Variants in GHR observed in about 807,000 individuals in gnomAD.
GHR encodes growth hormone receptor.
A neutral mutation model predicts 67.1 loss-of-function variants in GHR; 35 were observed. The observed-to-expected ratio is 0.52, with a 90% CI of 0.40 to 0.69. The LOEUF (loss-of-function observed/expected upper bound fraction) is 0.69. Among genes scored for constraint, GHR ranks in the 30% least tolerant of loss-of-function variants. The pLI is 0.00. For missense variants in GHR, 792 were observed against 764.6 expected (o/e 1.04, Z -0.42); for synonymous variants, 272 against 269.1 (o/e 1.01, Z -0.10).
intron 6 of GHR, 92 bp downstream of exon 6, chr5:42,700,094 C>G (rs1036871062): frequency 7.8e-6 from 6 of 765,844 alleles, no homozygotes; most frequent in African/African-American, 1.7e-5. Flanking sequence ...TGACCTAATA[C>G]CACATGTTCA....
At chr5:42,610,533 TC>T (rs1169094463) in intron 2 of GHR, among the ~76,000 whole-genome samples, 1 of 152,042 alleles carries the variant, frequency 6.6e-6, no homozygotes, top group East Asian at 1.9e-4. Context: ...CTGAGATGCA[TC>T]CCTGCAAGAG....
intron 2 of GHR, among the ~76,000 whole-genome samples, chr5:42,622,030 C>A (rs1399898332): frequency 2.0e-5 from 3 of 152,048 alleles, no homozygotes; most frequent in East Asian, 3.9e-4. Context: ...AAAGATATTC[C>A]AGCTTAGAAA....
intron 6 of GHR, among the ~76,000 whole-genome samples, chr5:42,708,969 TATA>T (rs1002818444): frequency 5.3e-5 from 8 of 152,216 alleles, no homozygotes; most frequent in African/African-American, 1.9e-4. Context: ...GGGGCTTATA[TATA>T]ATAATTTATT....
chr5:42,692,810 T>C (rs1239290817), intron 4 of GHR, among the ~76,000 whole-genome samples: 2 of 152,240 alleles, frequency 1.3e-5, no homozygotes, highest in African/African-American at 4.8e-5. Context: ...TTGGAATATC[T>C]TAATACTTTG....
At chr5:42,694,401 A>T (rs887717342) in intron 4 of GHR, among the ~76,000 whole-genome samples, 7 of 152,082 alleles carry the variant, frequency 4.6e-5, no homozygotes, top group African/African-American at 1.7e-4. Context: ...CATCTTACTT[A>T]TCTTTATATC....
intron 3 of GHR, among the ~76,000 whole-genome samples, chr5:42,684,663 C>T (rs906203440): frequency 2.0e-5 from 3 of 152,170 alleles, no homozygotes; most frequent in African/African-American, 7.2e-5. Context: ...ATAGAGAGAG[C>T]TGCCCATCTG....
intron 3 of GHR, among the ~76,000 whole-genome samples, chr5:42,684,353 T>G (rs1234568244): frequency 1.3e-5 from 2 of 152,218 alleles, no homozygotes; most frequent in East Asian, 1.9e-4. Context: ...GCATTTCCTT[T>G]TCTTATTTCT....
chr5:42,535,639 G>A (rs555111608), intron 1 of GHR, among the ~76,000 whole-genome samples: 1 of 152,100 alleles, frequency 6.6e-6, no homozygotes, highest in South Asian at 2.1e-4. Flanking sequence ...TGGATATGCA[G>A]GCTCTTTTTT....
rs973785655 is a variant in GHR, at chr5:42,424,424, G to T, written c.-12+469G>T. The T allele has an allele frequency of 2.1e-5, 13 of 619,124 alleles. No individual in the cohort carries two copies. The East Asian group carries it at 3.3e-4, about 16-fold the overall frequency. 38.4% of individuals were successfully genotyped at this position (619,124 alleles called of 1,614,324 possible). On this transcript the variant is annotated intron_variant, in intron 1 of 9. Transcript: ENST00000230882. The surrounding 1 kb of genome is among the most constrained non-coding windows in gnomAD (Gnocchi z 4.1). Reference sequence around the variant, plus strand: ...GAACTGCCGAGGCTGCTGCTGTTGCGCGGGGAAGAATCCCCGGCAGCGCGA... The same window carrying T: ...GAACTGCCGAGGCTGCTGCTGTTGCTCGGGGAAGAATCCCCGGCAGCGCGA...
intron 3 of GHR, among the ~76,000 whole-genome samples, chr5:42,653,727 C>T (rs148966892): frequency 7.0e-4 from 107 of 152,162 alleles, no homozygotes; most frequent in African/African-American, 2.6e-3. Context: ...AGTGCTAGAC[C>T]ATTGCTCTAG....
rs764639919 is a variant in GHR at position 42,474,277 on chromosome 5, A to AAGAGAAAG, written c.-12+50325_-12+50326insGAAAGAGA. On this transcript the variant is annotated intron_variant, in intron 1 of 9. Coordinates refer to ENST00000230882, the MANE Select transcript of GHR (RefSeq NM_000163.5). ...ACAGACAGAAAGAAAGAAAGAAAGAAAGAAAGAAAAAGAGAAAGAGAAAGA... is the reference window on the plus strand; with the variant it reads ...ACAGACAGAAAGAAAGAAAGAAAGAAAGAGAAAGAGAAAGAAAAAGAGAAAGAGAAAGA... 3.0e-3 allele frequency among the ~76,000 whole-genome samples: 327 copies of AAGAGAAAG among 110,686 alleles called. 1 individual carries two copies. The highest frequency in any genetic ancestry group is 0.011 in the African/African-American group (308 of 27,802). 72.6% of individuals were successfully genotyped at this position (110,686 alleles called of 152,430 possible). A position where few individuals can be genotyped will look rare whatever the true frequency, so the allele number is the denominator to read the frequency against.
chr5:42,662,403 G>A (rs563011645), intron 3 of GHR, among the ~76,000 whole-genome samples: 5 of 152,178 alleles, frequency 3.3e-5, no homozygotes, highest in East Asian at 1.9e-4. Context: ...ATAACAAACT[G>A]TCTCTCAGAC....
At chr5:42,513,544 T>C (rs2112273537) in intron 1 of GHR, among the ~76,000 whole-genome samples, 1 of 152,276 alleles carries the variant, frequency 6.6e-6, no homozygotes, top group South Asian at 2.1e-4. Flanking sequence ...TCCCAGCACT[T>C]TGGGAGGCCG....
intron 1 of GHR, among the ~76,000 whole-genome samples, chr5:42,435,418 T>G (rs1743280816): frequency 6.6e-6 from 1 of 152,220 alleles, no homozygotes; most frequent in South Asian, 2.1e-4. Flanking sequence ...GAGAAGTTTT[T>G]CAGAGAGATT....
In GHR at chr5:42,702,464, C is replaced by G. The variant is rs977872567; in HGVS notation, c.618+2462C>G. Among the ~76,000 whole-genome samples, 4 of 152,006 alleles carry G rather than the reference C, an allele frequency of 2.6e-5. No individual in the cohort carries two copies. The South Asian group carries it at 8.3e-4, about 32-fold the overall frequency. ...ACTTATCCATTAATGGAACATAGGTCGATTCTATTTCTTGGCTGTTATAAG... is the reference window on the plus strand; with the variant it reads ...ACTTATCCATTAATGGAACATAGGTGGATTCTATTTCTTGGCTGTTATAAG... On this transcript the variant is annotated intron_variant, in intron 6 of 9. Transcript: ENST00000230882.
rs559363662 is a variant in GHR, at chr5:42,514,538, A to G, written c.-11-51326A>G. On this transcript the variant is annotated intron_variant, in intron 1 of 9. Transcript: ENST00000230882. ...TATAACCAATATAAATGGGTAATTC[A>G]GCAGAACCAGATGCTGGGGTTGAGA... Among the ~76,000 whole-genome samples the G allele has an allele frequency of 7.2e-5, 11 of 152,284 alleles. No individual in the cohort carries two copies. In the South Asian group the frequency reaches 2.3e-3, roughly 32 times the overall value.
chr5:42,431,878 AG>A (rs1354286567), intron 1 of GHR, among the ~76,000 whole-genome samples: 1 of 152,188 alleles, frequency 6.6e-6, no homozygotes, highest in East Asian at 1.9e-4. Context: ...CAAATTGAAA[AG>A]GTACTTTTAT....
chr5:42,673,287 G>T (rs1756409212), intron 3 of GHR, among the ~76,000 whole-genome samples: 1 of 152,156 alleles, frequency 6.6e-6, no homozygotes, highest in Admixed American at 6.5e-5. Flanking sequence ...AGAAAAAAAA[G>T]TGAACGCTCA....
At chr5:42,683,957 CTTTTT>C (rs1336725582) in intron 3 of GHR, among the ~76,000 whole-genome samples, 1 of 150,532 alleles carries the variant, frequency 6.6e-6, no homozygotes, top group Non-Finnish European at 1.5e-5. Flanking sequence ...GTTATTTTTT[CTTTTT>C]AAGTTTTTTT....
Sources: gnomAD v4.1 joint callset for allele counts (sites outside exome capture counted in the v4.1 genomes callset) on GRCh38, gnomAD v4.1.1 for gene constraint, Gnocchi (gnomAD v3.1) non-coding constraint, MANE v1.5 for transcripts, NCBI Gene and HGNC (gene_info 2026-07-23, HGNC 2026-07-21) for gene names.